ZNF148: variants seen among roughly 807,000 people sequenced by gnomAD.
ZNF148 encodes zinc finger protein 148, also known as Beta-Enolase Repressor Factor-1.
ZNF148 carries 7 observed loss-of-function variants against 67.7 expected under a neutral mutation model. The ratio of observed to expected loss-of-function variants is 0.10; its 90% confidence interval spans 0.06 to 0.19. The LOEUF (loss-of-function observed/expected upper bound fraction) is 0.19, where lower values mean the gene tolerates loss of function less well. Ranked by LOEUF, ZNF148 falls within the 10% of genes least tolerant of loss-of-function variation. ZNF148 has a pLI of 1.00. For missense variants in ZNF148, 583 were observed against 947.1 expected, an observed-to-expected ratio of 0.62 and a Z score of 5.05; for synonymous variants, 333 against 330.7, an observed-to-expected ratio of 1.01 and a Z score of -0.08.
At chr3:125,330,320 C>T (rs1486436991) in intron 2 of ZNF148, among the ~76,000 whole-genome samples, 2 of 150,778 alleles carry the variant, frequency 1.3e-5, no homozygotes, top group African/African-American at 4.9e-5. Flanking sequence ...CAAAAGTTAG[C>T]CAGGTGTGGT....
intron 3 of ZNF148, 119 bp downstream of exon 3, chr3:125,323,190 C>T: frequency 2.6e-6 from 1 of 391,838 alleles, no homozygotes; most frequent in South Asian, 9.8e-5. Flanking sequence ...ATATAAATAC[C>T]AAAACTTTAA....
intron 7 of ZNF148, among the ~76,000 whole-genome samples, chr3:125,268,761 C>T (rs145713406): frequency 1.9e-3 from 291 of 152,214 alleles, no homozygotes; most frequent in African/African-American, 6.5e-3. Flanking sequence ...AAGAGGACTG[C>T]TTGAGGCCAG....
chr3:125,295,110 T>C (rs1939213585), intron 4 of ZNF148, among the ~76,000 whole-genome samples: 1 of 152,206 alleles, frequency 6.6e-6, no homozygotes, highest in African/African-American at 2.4e-5. Context: ...AGAAAAAAAC[T>C]TCTAGTGGTT....
At chr3:125,337,770 G>A (rs1941557238) in intron 1 of ZNF148, among the ~76,000 whole-genome samples, 1 of 152,140 alleles carries the variant, frequency 6.6e-6, no homozygotes. Context: ...AAGAGGTTAA[G>A]TAACGAAGAT....
At chr3:125,357,435 G>A (rs1269153056) in intron 1 of ZNF148, among the ~76,000 whole-genome samples, 1 of 152,220 alleles carries the variant, frequency 6.6e-6, no homozygotes, top group Non-Finnish European at 1.5e-5. Context: ...TGCGGGGTTC[G>A]CCAGACGGTG....
intron 7 of ZNF148, among the ~76,000 whole-genome samples, chr3:125,237,828 A>G (rs1936161785): frequency 6.6e-6 from 1 of 152,218 alleles, no homozygotes; most frequent in South Asian, 2.1e-4. Flanking sequence ...AAAAGAGCCA[A>G]AACTATCTTG....
At chr3:125,294,157 C>G (rs1338910622) in intron 4 of ZNF148, among the ~76,000 whole-genome samples, 2 of 152,106 alleles carry the variant, frequency 1.3e-5, no homozygotes, top group African/African-American at 4.8e-5. Context: ...AATTAAGAAA[C>G]AGTCTACAAC....
At chr3:125,362,131 C>T (rs1490227774) in intron 1 of ZNF148, among the ~76,000 whole-genome samples, 1 of 152,206 alleles carries the variant, frequency 6.6e-6, no homozygotes, top group Non-Finnish European at 1.5e-5. Context: ...GCTATGAAAT[C>T]TTCCACAACA....
rs1935741747 is a variant in ZNF148, at chr3:125,228,909, A to C, written c.*3432T>G. 1 of 152,600 alleles carries C rather than the reference A, an allele frequency of 6.6e-6. No homozygotes were observed. The allele number at this position is 152,600 out of a possible 1,614,324, so 9.5% of individuals were successfully genotyped here. A position where few individuals can be genotyped will look rare whatever the true frequency, so the allele number is the denominator to read the frequency against. Reference sequence around the variant, plus strand: ...TTTATCCATTGGATTAAAGAAAGCAACAAACATAACAAGAAATGTTTGTCT... The same window carrying C: ...TTTATCCATTGGATTAAAGAAAGCACCAAACATAACAAGAAATGTTTGTCT... On this transcript the variant is annotated 3_prime_UTR_variant, in exon 9 of 9. Transcript: ENST00000360647.
At chr3:125,257,625 T>G (rs4450756) in intron 7 of ZNF148, among the ~76,000 whole-genome samples, 1 of 149,810 alleles carries the variant, frequency 6.7e-6, no homozygotes, top group African/African-American at 2.5e-5. Context: ...GATTACGCCA[T>G]TTTCAGACTA....
chr3:125,297,007 C>T (rs917719712), intron 4 of ZNF148, among the ~76,000 whole-genome samples: 1 of 151,806 alleles, frequency 6.6e-6, no homozygotes, highest in Non-Finnish European at 1.5e-5. Flanking sequence ...ATGTCAAGAG[C>T]AGTTTTCCTA....
chr3:125,248,974 T>C (rs993281084), intron 7 of ZNF148, among the ~76,000 whole-genome samples: 3 of 152,200 alleles, frequency 2.0e-5, no homozygotes, highest in Non-Finnish European at 4.4e-5. Flanking sequence ...ACCTGTCTTA[T>C]TTCTCTCTTT....
chr3:125,323,281 G>C, intron 3 of ZNF148, 28 bp downstream of exon 3: 1 of 549,682 alleles, frequency 1.8e-6, no homozygotes. Context: ...ATTTATTCAA[G>C]ATTATGAAAA....
At chr3:125,315,181 T>A (rs1940426496) in intron 3 of ZNF148, 1 of 152,186 alleles carries the variant, frequency 6.6e-6, no homozygotes, top group East Asian at 1.9e-4. Context: ...ATGAAACAAG[T>A]CTCTTAATGC....
At chr3:125,265,808 C>G (rs1349659615) in intron 7 of ZNF148, among the ~76,000 whole-genome samples, 1 of 152,048 alleles carries the variant, frequency 6.6e-6, no homozygotes, top group Admixed American at 6.6e-5. Context: ...CAAACAGCAA[C>G]AAATAGGTTG....
intron 6 of ZNF148, 22 bp from the exon 7 acceptor site, chr3:125,277,831 C>T (rs1322406583): frequency 1.3e-6 from 2 of 1,589,350 alleles, no homozygotes; most frequent in Admixed American, 1.7e-5. Flanking sequence ...TTCACATCCA[C>T]AAATTAGTTA....
intron 7 of ZNF148, among the ~76,000 whole-genome samples, chr3:125,240,898 G>A (rs1936322731): frequency 6.6e-6 from 1 of 151,938 alleles, no homozygotes; most frequent in Non-Finnish European, 1.5e-5. Flanking sequence ...CAATTATGAT[G>A]GCTAACTCAG....
At chr3:125,235,863 C>A (rs1437445697) in intron 7 of ZNF148, among the ~76,000 whole-genome samples, 2 of 146,924 alleles carry the variant, frequency 1.4e-5, no homozygotes, top group Non-Finnish European at 3.0e-5. Context: ...AAAAACCAAA[C>A]ACTGCATGTT....
At chr3:125,320,041 T>G (rs892825113) in intron 3 of ZNF148, among the ~76,000 whole-genome samples, 1 of 152,222 alleles carries the variant, frequency 6.6e-6, no homozygotes, top group Non-Finnish European at 1.5e-5. Flanking sequence ...CCTTTTCTCC[T>G]GTGGGAGGAT....
Sources: gnomAD v4.1 joint callset for allele counts (sites outside exome capture counted in the v4.1 genomes callset) on GRCh38, gnomAD v4.1.1 for gene constraint, MANE v1.5 for transcripts, NCBI Gene and HGNC (gene_info 2026-07-23, HGNC 2026-07-21) for gene names.